The following ERC1 variants were observed in gnomAD, a reference collection of about 807,000 sequenced individuals.
ERC1 encodes RAB6 interacting protein 2.
A neutral mutation model predicts 132.0 loss-of-function variants in ERC1; 56 were observed. That is an observed-to-expected ratio of 0.42 (90% CI 0.34 to 0.53). ERC1 has a LOEUF of 0.53. Among genes scored for constraint, ERC1 ranks in the 20% least tolerant of loss-of-function variants. The pLI is 0.03. For synonymous variants in ERC1, 478 were observed against 476.1 expected (o/e 1.00, Z -0.05); for missense variants, 1,202 against 1,349.9 (o/e 0.89, Z 1.72).
intron 7 of ERC1, 47 bp from the exon 8 acceptor site, chr12:1,141,573 A>G (rs375376295): frequency 4.1e-5 from 61 of 1,498,694 alleles, no homozygotes; most frequent in Non-Finnish European, 4.9e-5. Flanking sequence ...AAGGAATTAC[A>G]TTCTTTTCTT....
chr12:1,391,524 A>T (rs994929809), intron 16 of ERC1: 1 of 152,252 alleles, frequency 6.6e-6, no homozygotes, highest in African/African-American at 2.4e-5. Context: ...GAATTCTAGA[A>T]TCCTCACCTA....
chr12:1,285,013 T>G (rs189351108), intron 14 of ERC1, among the ~76,000 whole-genome samples: 1 of 152,354 alleles, frequency 6.6e-6, no homozygotes, highest in East Asian at 1.9e-4. Context: ...TTTTTATGTC[T>G]TCTTTTGAGA....
At chr12:1,376,294 C>T (rs1190911892) in intron 16 of ERC1, among the ~76,000 whole-genome samples, 1 of 152,138 alleles carries the variant, frequency 6.6e-6, no homozygotes, top group Non-Finnish European at 1.5e-5. Context: ...CTTACATTTT[C>T]GTCACTGAAG....
intron 13 of ERC1, among the ~76,000 whole-genome samples, chr12:1,257,767 A>G (rs972309818): frequency 6.6e-6 from 1 of 152,214 alleles, no homozygotes; most frequent in African/African-American, 2.4e-5. Context: ...CAGTAGAAAT[A>G]CAATGTGAGC....
intron 12 of ERC1, among the ~76,000 whole-genome samples, chr12:1,236,103 CAT>C (rs2075394631): frequency 6.6e-6 from 1 of 151,882 alleles, no homozygotes; most frequent in South Asian, 2.1e-4. Context: ...AGCTCAAAAA[CAT>C]GTAAACTATA....
At chr12:1,129,612 C>A (rs11061648) in intron 7 of ERC1, among the ~76,000 whole-genome samples, 44,408 of 152,046 alleles carry the variant, frequency 0.29, 6,727 homozygotes, top group Middle Eastern at 0.33. Flanking sequence ...TTTCAGTTGC[C>A]ACAACAGTAG....
At chr12:1,365,162 T>C (rs1276542472) in intron 15 of ERC1, among the ~76,000 whole-genome samples, 2 of 152,212 alleles carry the variant, frequency 1.3e-5, no homozygotes, top group Non-Finnish European at 2.9e-5. Context: ...TTATGACATA[T>C]AGAATTGAAC....
intron 17 of ERC1, among the ~76,000 whole-genome samples, chr12:1,425,656 G>A (rs548093737): frequency 1.3e-5 from 2 of 152,322 alleles, no homozygotes; most frequent in South Asian, 4.1e-4. Flanking sequence ...GTCACTTAGA[G>A]CTTTCAGCAC....
At chr12:1,356,071 G>T (rs2085493202) in intron 15 of ERC1, among the ~76,000 whole-genome samples, 1 of 152,048 alleles carries the variant, frequency 6.6e-6, no homozygotes. Context: ...AGGCCTGGTG[G>T]CACATGCCTG....
chr12:1,451,935 A>G (rs2093433590), intron 18 of ERC1, among the ~76,000 whole-genome samples: 1 of 152,228 alleles, frequency 6.6e-6, no homozygotes, highest in African/African-American at 2.4e-5. Context: ...GAGACACACC[A>G]GGGTACACAC....
At chr12:1,306,019 A>G (rs1594893873) in intron 15 of ERC1, among the ~76,000 whole-genome samples, 1 of 152,096 alleles carries the variant, frequency 6.6e-6, no homozygotes, top group East Asian at 1.9e-4. Context: ...TTTCTGTAAG[A>G]GTTACTTCTG....
At chr12:1,195,253 C>T in intron 12 of ERC1, among the ~76,000 whole-genome samples, 1 of 152,114 alleles carries the variant, frequency 6.6e-6, no homozygotes, top group South Asian at 2.1e-4. Flanking sequence ...TCCCTTTTGC[C>T]CCTTTACAGC....
chr12:1,243,342 C>T (rs1008279481), intron 13 of ERC1, among the ~76,000 whole-genome samples: 17 of 151,840 alleles, frequency 1.1e-4, no homozygotes, highest in Non-Finnish European at 1.9e-4. Flanking sequence ...AGTGTTAGAA[C>T]CAATCCCCAG....
intron 17 of ERC1, among the ~76,000 whole-genome samples, chr12:1,408,953 T>C (rs1395047925): frequency 6.6e-6 from 1 of 151,994 alleles, no homozygotes; most frequent in African/African-American, 2.4e-5. Context: ...TTAACATCTC[T>C]ATCACACCCA....
At chr12:1,325,389 A>G (rs2082376916) in intron 15 of ERC1, among the ~76,000 whole-genome samples, 2 of 152,164 alleles carry the variant, frequency 1.3e-5, no homozygotes, top group South Asian at 4.1e-4. Context: ...AGAGGTTTGG[A>G]TAACATTGTT....
chr12:1,204,520 T>C (rs573266714), intron 12 of ERC1: 2 of 1,591,484 alleles, frequency 1.3e-6, no homozygotes, highest in South Asian at 2.2e-5. Flanking sequence ...AAGGTCAGTA[T>C]GCTTGCACTA....
intron 17 of ERC1, among the ~76,000 whole-genome samples, chr12:1,440,290 C>G (rs190294932): frequency 1.4e-5 from 2 of 146,404 alleles, no homozygotes; most frequent in African/African-American, 2.6e-5. Flanking sequence ...CTGCAAGCTC[C>G]GCCTCCTGGG....
Position 1,176,164 on chromosome 12 carries a change from G to C in ERC1, c.1738-4376G>C, listed in dbSNP as rs1036857782. Among the ~76,000 whole-genome samples, 2 of 152,196 alleles carry C rather than the reference G, an allele frequency of 1.3e-5. 1 individual carries two copies. Among genetic ancestry groups the C allele is most frequent in the Non-Finnish European group, 2.9e-5 (2 of 68,028 alleles). ...ACAAGATGTATTTCTTAACTAGTAA[G>C]ACTAGAAATCAAAATGACTCCTTGA... On this transcript the variant is annotated intron_variant, in intron 8 of 18. Coordinates refer to ENST00000360905, the MANE Select transcript of ERC1 (RefSeq NM_178040.4).
intron 16 of ERC1, among the ~76,000 whole-genome samples, chr12:1,393,404 G>A (rs2090145087): frequency 6.6e-6 from 1 of 152,146 alleles, no homozygotes; most frequent in African/African-American, 2.4e-5. Flanking sequence ...GCGTGGTGGT[G>A]CACATCTGTA....
Sources: gnomAD v4.1 joint callset for allele counts (sites outside exome capture counted in the v4.1 genomes callset) on GRCh38, gnomAD v4.1.1 for gene constraint, MANE v1.5 for transcripts, NCBI Gene and HGNC (gene_info 2026-07-23, HGNC 2026-07-21) for gene names.